Variants in THSD7B observed in about 807,000 individuals in gnomAD.
THSD7B encodes the protein thrombospondin type-1 domain-containing protein 7B.
A neutral mutation model predicts 213.6 loss-of-function variants in THSD7B; 138 were observed. The observed-to-expected ratio is 0.65, with a 90% CI of 0.56 to 0.74. The LOEUF is 0.74. THSD7B is among the 30% of genes least tolerant of loss of function. The pLI is 0.00. For missense variants in THSD7B, 1,931 were observed against 1,991.5 expected (o/e 0.97, Z 0.58); for synonymous variants, 742 against 687.0 (o/e 1.08, Z -1.25).
chr2:136,774,763 C>T (rs1681570545), intron 1 of THSD7B, among the ~76,000 whole-genome samples: 1 of 152,066 alleles, frequency 6.6e-6, no homozygotes. Flanking sequence ...AGAGTATGTG[C>T]ATGATTATTA....
chr2:137,637,952 T>C (rs781357746), intron 20 of THSD7B, among the ~76,000 whole-genome samples: 2 of 152,216 alleles, frequency 1.3e-5, no homozygotes, highest in African/African-American at 4.8e-5. Context: ...AAAGTTATTA[T>C]AAAACTTGAA....
intron 1 of THSD7B, among the ~76,000 whole-genome samples, chr2:136,840,990 C>T (rs1464409858): frequency 2.6e-5 from 4 of 152,078 alleles, no homozygotes; most frequent in Non-Finnish European, 5.9e-5. Context: ...TCAAGAAGAG[C>T]TTCCTATACT....
chr2:137,442,342 G>T (rs1243271176), intron 14 of THSD7B, among the ~76,000 whole-genome samples: 1 of 151,982 alleles, frequency 6.6e-6, no homozygotes, highest in African/African-American at 2.4e-5. Flanking sequence ...CTAAATATTT[G>T]TTTCATTGTG....
chr2:136,979,225 T>A (rs904083914), intron 2 of THSD7B, among the ~76,000 whole-genome samples: 1 of 128,572 alleles, frequency 7.8e-6, no homozygotes, highest in East Asian at 2.5e-4. Flanking sequence ...CCCTTAACAT[T>A]TTTTTTTTTA....
intron 2 of THSD7B, among the ~76,000 whole-genome samples, chr2:136,975,510 A>G (rs1260675202): frequency 6.6e-6 from 1 of 152,042 alleles, no homozygotes; most frequent in Non-Finnish European, 1.5e-5. Context: ...GTGTGGTCTC[A>G]TTTTTGAGGT....
At chr2:136,984,074 A>G (rs1388030724) in intron 2 of THSD7B, among the ~76,000 whole-genome samples, 1 of 152,246 alleles carries the variant, frequency 6.6e-6, no homozygotes, top group Non-Finnish European at 1.5e-5. Flanking sequence ...AAAGAGAGCA[A>G]GAAAGAAAAT....
intron 2 of THSD7B, among the ~76,000 whole-genome samples, chr2:136,914,887 A>G (rs1328361078): frequency 6.6e-6 from 1 of 152,236 alleles, no homozygotes; most frequent in Non-Finnish European, 1.5e-5. Context: ...ATTACATGAT[A>G]GGCATCATAT....
chr2:136,833,189 C>A (rs955373483), intron 1 of THSD7B, among the ~76,000 whole-genome samples: 1 of 151,820 alleles, frequency 6.6e-6, no homozygotes, highest in Non-Finnish European at 1.5e-5. Context: ...CATGGTGAAA[C>A]CCCGTCTCTA....
intron 9 of THSD7B, among the ~76,000 whole-genome samples, chr2:137,238,447 T>C (rs930298725): frequency 6.6e-6 from 1 of 152,118 alleles, no homozygotes; most frequent in African/African-American, 2.4e-5. Context: ...TAGTGTTTTC[T>C]TATCTTAACT....
intron 16 of THSD7B, among the ~76,000 whole-genome samples, chr2:137,565,109 G>A (rs1445456995): frequency 1.3e-5 from 2 of 151,966 alleles, no homozygotes; most frequent in Non-Finnish European, 2.9e-5. Flanking sequence ...CAAGGAAAGA[G>A]GCCTCAGGAG....
intron 12 of THSD7B, among the ~76,000 whole-genome samples, chr2:137,282,383 C>T (rs542248514): frequency 5.5e-4 from 84 of 152,100 alleles, no homozygotes; most frequent in African/African-American, 1.6e-3. Flanking sequence ...TAGTTTCTTT[C>T]GCTGTGCAGA....
Position 137,676,691 on chromosome 2 carries a change from A to C in THSD7B, c.*86A>C. ...CTCAGACTTCTCAGTTTTTTGAGGA[A>C]TCTCAAGATGTGATATATTGGGCAG... On this transcript the variant is annotated 3_prime_UTR_variant, in exon 28 of 28. Transcript: ENST00000409968. The C allele has an allele frequency of 8.1e-7, 1 of 1,228,172 alleles. No individual in the cohort carries two copies. The highest frequency in any genetic ancestry group is 1.6e-5 in the African/African-American group (1 of 64,138). The allele number at this position is 1,228,172 out of a possible 1,614,324, so 76.1% of individuals were successfully genotyped here.
Position 137,587,998 on chromosome 2 carries a change from C to T in THSD7B, c.3423+15442C>T, listed in dbSNP as rs141525290. Among the ~76,000 whole-genome samples, 909 of 152,300 alleles carry T rather than the reference C, an allele frequency of 6.0e-3. 10 individuals carry two copies. The highest frequency in any genetic ancestry group is 0.021 in the African/African-American group (874 of 41,580). ...TGGGCTCCACCCAGTTTGAGCTTCC[C>T]AGTGCTTTGTTTACATACTCAAGCC... On this transcript the variant is annotated intron_variant, in intron 17 of 27. Transcript: ENST00000409968.
At chr2:137,497,804 A>T (rs1329352645) in intron 15 of THSD7B, among the ~76,000 whole-genome samples, 1 of 152,208 alleles carries the variant, frequency 6.6e-6, no homozygotes, top group Non-Finnish European at 1.5e-5. Context: ...TAACTCCTTC[A>T]TTGGCTCACA....
intron 14 of THSD7B, among the ~76,000 whole-genome samples, chr2:137,446,566 T>C (rs1403846294): frequency 6.6e-6 from 1 of 152,036 alleles, no homozygotes; most frequent in Non-Finnish European, 1.5e-5. Flanking sequence ...ATGAATATGG[T>C]TTACAAAATT....
intron 12 of THSD7B, among the ~76,000 whole-genome samples, chr2:137,307,428 C>T (rs768815205): frequency 1.3e-5 from 2 of 152,076 alleles, no homozygotes; most frequent in Non-Finnish European, 2.9e-5. Flanking sequence ...CATGTCTCGA[C>T]AACCCAGGAA....
chr2:136,879,231 G>A (rs996710031), intron 1 of THSD7B, among the ~76,000 whole-genome samples: 3 of 152,160 alleles, frequency 2.0e-5, no homozygotes, highest in African/African-American at 4.8e-5. Context: ...AGTTGTAGAT[G>A]TGTGGCATTA....
chr2:137,369,638 A>C (rs1685501125), intron 12 of THSD7B, among the ~76,000 whole-genome samples: 1 of 152,198 alleles, frequency 6.6e-6, no homozygotes, highest in African/African-American at 2.4e-5. Context: ...CACGCAACTC[A>C]GTAACGATTA....
intron 15 of THSD7B, among the ~76,000 whole-genome samples, chr2:137,542,510 CAAAG>C (rs1045144591): frequency 6.6e-6 from 1 of 151,440 alleles, no homozygotes; most frequent in African/African-American, 2.4e-5. Flanking sequence ...ACAGAGAAAA[CAAAG>C]AATACCAGTA....
Sources: gnomAD v4.1 joint callset for allele counts (sites outside exome capture counted in the v4.1 genomes callset) on GRCh38, gnomAD v4.1.1 for gene constraint, MANE v1.5 for transcripts, NCBI Gene and HGNC (gene_info 2026-07-23, HGNC 2026-07-21) for gene names.